XKR9: variants seen among roughly 807,000 people sequenced by gnomAD.
The protein encoded by XKR9 is XK related 9, also known as XK-related protein 9.
A neutral mutation model predicts 32.0 loss-of-function variants in XKR9; 32 were observed. The ratio of observed to expected loss-of-function variants is 1.00; its 90% CI spans 0.76 to 1.34. The LOEUF (loss-of-function observed/expected upper bound fraction) is 1.34, where lower values mean the gene tolerates loss of function less well. Ranked by LOEUF, XKR9 falls within the 40% of genes most tolerant of loss-of-function variation. The pLI is 0.00. For missense variants in XKR9, 546 were observed against 429.7 expected (o/e 1.27, Z -2.39); for synonymous variants, 168 against 143.4 (o/e 1.17, Z -1.22).
the XKR9 span, among the ~76,000 whole-genome samples, chr8:71,047,328 T>G: frequency 6.6e-6 from 1 of 152,252 alleles, no homozygotes. Context: ...CATCACTTAT[T>G]CCTTATTTGC....
chr8:70,755,561 A>G (rs1403496634), intron 2 of XKR9, among the ~76,000 whole-genome samples: 1 of 152,140 alleles, frequency 6.6e-6, no homozygotes, highest in Non-Finnish European at 1.5e-5. Flanking sequence ...CATATACACC[A>G]TGGAATACTA....
chr8:70,670,658 C>T (rs904905313), intron 1 of XKR9: 1 of 152,014 alleles, frequency 6.6e-6, no homozygotes, highest in Non-Finnish European at 1.5e-5. Flanking sequence ...ATGACATCTG[C>T]TTTGTGTGTG....
At chr8:70,841,043 C>A in the XKR9 span, among the ~76,000 whole-genome samples, 2 of 151,994 alleles carry the variant, frequency 1.3e-5, no homozygotes, top group African/African-American at 4.8e-5. Context: ...TTACTTGGAG[C>A]ATTATTTAAA....
chr8:70,848,180 T>A, the XKR9 span, among the ~76,000 whole-genome samples: 2 of 152,216 alleles, frequency 1.3e-5, no homozygotes, highest in African/African-American at 2.4e-5. Context: ...AATCAATAGA[T>A]GTGATACATC....
At chr8:70,719,306 T>TA (rs1806198098) in intron 4 of XKR9, among the ~76,000 whole-genome samples, 1 of 152,214 alleles carries the variant, frequency 6.6e-6, no homozygotes. Flanking sequence ...CTCTTTAGTT[T>TA]AATTAGATCC....
In XKR9 at chr8:70,734,250, C is replaced by T. The variant is rs1277699355; in HGVS notation, c.948C>T (p.Asp316=). 3.1e-6 allele frequency: 5 copies of T among 1,612,892 alleles called. No individual in the cohort carries two copies. The highest frequency in any genetic ancestry group is 4.2e-6 in the Non-Finnish European group (5 of 1,179,342). Residue 316 remains aspartate (D), a synonymous_variant, in exon 5 of 5, where the codon GAC becomes GAT. Coordinates refer to ENST00000408926, the MANE Select transcript of XKR9 (RefSeq NM_001011720.2). The part of the protein sequence containing the change: ...WVCPLTIFNP[D]YFIPISITIV... ...GCCCCCTCACTATTTTTAATCCAGA[C>T]TATTTTATACCTATCAGTATAACTA...
At chr8:71,023,182 A>C in the XKR9 span, among the ~76,000 whole-genome samples, 4 of 151,938 alleles carry the variant, frequency 2.6e-5, no homozygotes, top group South Asian at 6.2e-4. Context: ...TTGGTTTTTC[A>C]TGTTTCCTGT....
At chr8:70,968,579 G>T in the XKR9 span, among the ~76,000 whole-genome samples, 1 of 151,990 alleles carries the variant, frequency 6.6e-6, no homozygotes, top group African/African-American at 2.4e-5. Context: ...GGGCTTTAAT[G>T]ATCTTCAATC....
At chr8:71,020,609 G>A in the XKR9 span, among the ~76,000 whole-genome samples, 1 of 152,118 alleles carries the variant, frequency 6.6e-6, no homozygotes, top group Non-Finnish European at 1.5e-5. Flanking sequence ...TAGGATGTAT[G>A]GGAAACAATG....
chr8:70,767,789 C>T (rs994832459), intron 2 of XKR9, among the ~76,000 whole-genome samples: 1 of 152,086 alleles, frequency 6.6e-6, no homozygotes, highest in South Asian at 2.1e-4. Context: ...GTATGAGCCA[C>T]CGCACCCAGC....
the XKR9 span, among the ~76,000 whole-genome samples, chr8:70,826,279 A>G: frequency 6.6e-6 from 1 of 152,084 alleles, no homozygotes; most frequent in Non-Finnish European, 1.5e-5. Flanking sequence ...ATTTGAACTA[A>G]TCAGTTTGTG....
chr8:70,938,672 C>A, the XKR9 span, among the ~76,000 whole-genome samples: 8 of 151,914 alleles, frequency 5.3e-5, no homozygotes, highest in Non-Finnish European at 8.8e-5. Flanking sequence ...CAGCAGGTTC[C>A]TGGGATATGA....
the XKR9 span, among the ~76,000 whole-genome samples, chr8:71,059,413 C>A: frequency 2.6e-5 from 4 of 152,332 alleles, no homozygotes; most frequent in South Asian, 8.3e-4. Flanking sequence ...CTTTGCTCCT[C>A]CTGAAGTCAC....
chr8:70,713,038 T>A (rs1187669158), intron 4 of XKR9, among the ~76,000 whole-genome samples: 1 of 152,126 alleles, frequency 6.6e-6, no homozygotes, highest in Non-Finnish European at 1.5e-5. Flanking sequence ...TATCCTATTA[T>A]GTTTAAAGAA....
the XKR9 span, among the ~76,000 whole-genome samples, chr8:70,971,180 G>T: frequency 6.6e-6 from 1 of 151,878 alleles, no homozygotes; most frequent in Non-Finnish European, 1.5e-5. Context: ...AAGTGGTATC[G>T]CATAGTGGTT....
downstream of XKR9, among the ~76,000 whole-genome samples, chr8:70,736,870 G>A (rs1374136320): frequency 6.6e-6 from 1 of 151,690 alleles, no homozygotes; most frequent in East Asian, 1.9e-4. Context: ...GGTTACTGTA[G>A]CCTTGTAGTA....
intron 1 of XKR9, 65 bp downstream of exon 1, chr8:70,669,603 GCT>G (rs1491249470): frequency 9.6e-5 from 14 of 146,464 alleles, no homozygotes; most frequent in African/African-American, 2.1e-4. Flanking sequence ...TTAGGCAGTG[GCT>G]CTGTGTGTGT....
At chr8:70,697,180 T>A (rs1805312080) in intron 3 of XKR9, among the ~76,000 whole-genome samples, 1 of 150,988 alleles carries the variant, frequency 6.6e-6, no homozygotes, top group Non-Finnish European at 1.5e-5. Flanking sequence ...TTCATTTCCT[T>A]CTCCTGCCTA....
chr8:70,748,188 G>A (rs572975670), intron 2 of XKR9, among the ~76,000 whole-genome samples: 57 of 152,336 alleles, frequency 3.7e-4, no homozygotes, highest in African/African-American at 1.3e-3. Flanking sequence ...GGTGTGGCTG[G>A]GGCTGCCCTG....
Sources: allele counts gnomAD v4.1 joint callset (sites outside exome capture counted in the v4.1 genomes callset), GRCh38; gene constraint gnomAD v4.1.1; transcripts MANE v1.5; gene names NCBI Gene and HGNC (gene_info 2026-07-23, HGNC 2026-07-21).